ADAM12: variants seen among roughly 807,000 people sequenced by gnomAD.
ADAM12 encodes disintegrin and metalloproteinase domain-containing protein 12.
A neutral mutation model predicts 106.4 loss-of-function variants in ADAM12; 70 were observed. The ratio of observed to expected loss-of-function variants is 0.66; its 90% CI spans 0.54 to 0.80. ADAM12 has a LOEUF of 0.80. Among genes scored for constraint, ADAM12 ranks in the 30% least tolerant of loss-of-function variants. The probability of loss-of-function intolerance (pLI) is 0.00; values close to 1 mark genes in which losing one functional copy is unlikely to be tolerated. For synonymous variants in ADAM12, 420 were observed against 433.5 expected (o/e 0.97, Z 0.39); for missense variants, 1,010 against 1,171.9 (o/e 0.86, Z 2.02).
chr10:126,241,670 T>C (rs1958526990), intron 3 of ADAM12, among the ~76,000 whole-genome samples: 1 of 152,234 alleles, frequency 6.6e-6, no homozygotes, highest in South Asian at 2.1e-4. Flanking sequence ...AATAGCTTTG[T>C]GGCCTGCAGC....
intron 6 of ADAM12, among the ~76,000 whole-genome samples, chr10:126,114,179 C>T (rs1365953196): frequency 1.3e-5 from 2 of 152,118 alleles, no homozygotes; most frequent in African/African-American, 2.4e-5. Flanking sequence ...CAGGATACAG[C>T]CTCTGACACC....
chr10:126,051,676 G>T (rs3824636), intron 14 of ADAM12, among the ~76,000 whole-genome samples: 40,102 of 150,346 alleles, frequency 0.27, 5,757 homozygotes, highest in Middle Eastern at 0.41. Flanking sequence ...CATCCAGCCA[G>T]CCAGCCAGCC....
rs569836676 is a variant in ADAM12 at position 126,181,939 on chromosome 10, A to C, written c.261-26634T>G. Among the ~76,000 whole-genome samples the C allele has an allele frequency of 7.2e-5, 11 of 152,318 alleles. No homozygotes were observed. The South Asian group carries it at 2.3e-3, about 32-fold the overall frequency. ...TCTTTAATTGCATGGCCCGGTCAGC[A>C]TCCATTAGTCTGCTGCCTACACAAT... On this transcript the variant is annotated intron_variant, in intron 3 of 22. Coordinates refer to ENST00000448723, the MANE Select transcript of ADAM12 (RefSeq NM_001288973.2).
chr10:126,100,903 T>A (rs149382407), intron 9 of ADAM12, among the ~76,000 whole-genome samples, 169 bp downstream of exon 9: 171 of 152,300 alleles, frequency 1.1e-3, no homozygotes, highest in African/African-American at 3.9e-3. Context: ...AGACCTTCAG[T>A]TCCAGGTGAG....
chr10:126,193,121 C>A lies in ADAM12; in HGVS notation c.261-37816G>T, dbSNP rs775561453. On this transcript the variant is annotated intron_variant, in intron 3 of 22. Coordinates refer to ENST00000448723, the MANE Select transcript of ADAM12 (RefSeq NM_001288973.2). ...TCTACTAGAAATATAAAAAATTAGC[C>A]GGGTGTGATGGCCTGTGCCTGTGGT... 1.3e-5 allele frequency among the ~76,000 whole-genome samples: 2 copies of A among 151,836 alleles called. 1 individual carries two copies. The highest frequency in any genetic ancestry group is 2.9e-5 in the Non-Finnish European group (2 of 67,958).
intron 1 of ADAM12, among the ~76,000 whole-genome samples, chr10:126,351,999 C>G (rs1191501224): frequency 6.6e-6 from 1 of 152,166 alleles, no homozygotes; most frequent in Non-Finnish European, 1.5e-5. Context: ...CACTGAAGAC[C>G]TCCGGCCTCA....
rs544806139 is a variant in ADAM12, at chr10:126,244,697, C to T, written c.260+34218G>A. ...TGTCATATCTCAGGGAGCTCATGCA[C>T]CATTAGTATAAGCAGACCTATTAAT... On this transcript the variant is annotated intron_variant, in intron 3 of 22. Coordinates refer to ENST00000448723, the MANE Select transcript of ADAM12 (RefSeq NM_001288973.2). 2.0e-5 allele frequency among the ~76,000 whole-genome samples: 3 copies of T among 152,160 alleles called. No homozygotes were observed. In the South Asian group the frequency reaches 6.2e-4, roughly 32 times the overall value.
At chr10:126,086,343 A>C (rs1356774047) in intron 11 of ADAM12, among the ~76,000 whole-genome samples, 1 of 151,898 alleles carries the variant, frequency 6.6e-6, no homozygotes, top group Non-Finnish European at 1.5e-5. Flanking sequence ...GGTCTGGAAA[A>C]ATGCAAGCAG....
intron 1 of ADAM12, among the ~76,000 whole-genome samples, chr10:126,363,135 T>C (rs1162641807): frequency 6.6e-6 from 1 of 152,178 alleles, no homozygotes; most frequent in East Asian, 1.9e-4. Flanking sequence ...TGTAATCAAG[T>C]ATTACATGTT....
chr10:126,287,518 T>C (rs1279573139), intron 2 of ADAM12, among the ~76,000 whole-genome samples: 1 of 152,154 alleles, frequency 6.6e-6, no homozygotes, highest in Non-Finnish European at 1.5e-5. Flanking sequence ...AGTGATGCCC[T>C]TTCTTAAGAC....
chr10:126,164,167 A>T (rs1032539043), intron 3 of ADAM12, among the ~76,000 whole-genome samples: 3 of 152,224 alleles, frequency 2.0e-5, no homozygotes, highest in Non-Finnish European at 2.9e-5. Context: ...AAACTCATTG[A>T]TGACATGTCA....
At chr10:126,377,283 T>C (rs1414923279) in intron 1 of ADAM12, among the ~76,000 whole-genome samples, 1 of 152,100 alleles carries the variant, frequency 6.6e-6, no homozygotes, top group East Asian at 1.9e-4. Flanking sequence ...GGGAGTTTAT[T>C]AAGGAGTATT....
At chr10:126,361,630 C>T (rs374225770) in intron 1 of ADAM12, among the ~76,000 whole-genome samples, 1 of 151,986 alleles carries the variant, frequency 6.6e-6, no homozygotes, top group Admixed American at 6.6e-5. Flanking sequence ...AGAAATGAAC[C>T]CAAACATATA....
At chr10:126,168,698 A>T (rs1032040724) in intron 3 of ADAM12, among the ~76,000 whole-genome samples, 10 of 152,202 alleles carry the variant, frequency 6.6e-5, no homozygotes, top group Admixed American at 1.3e-4. Flanking sequence ...AAAACGGATC[A>T]TGTCACTTCT....
intron 3 of ADAM12, among the ~76,000 whole-genome samples, chr10:126,215,383 G>A (rs1957969651): frequency 6.6e-6 from 1 of 152,124 alleles, no homozygotes; most frequent in African/African-American, 2.4e-5. Flanking sequence ...ATAACTCAGG[G>A]TTTCAATCCA....
intron 4 of ADAM12, among the ~76,000 whole-genome samples, chr10:126,141,762 A>G (rs1004452308): frequency 2.9e-5 from 3 of 104,572 alleles, no homozygotes; most frequent in African/African-American, 5.9e-5. Flanking sequence ...TTAGAAAGGA[A>G]TGCTACCAAA....
At chr10:126,355,950 C>T (rs1855522746) in intron 1 of ADAM12, among the ~76,000 whole-genome samples, 1 of 152,198 alleles carries the variant, frequency 6.6e-6, no homozygotes, top group South Asian at 2.1e-4. Context: ...CAGCCATCTT[C>T]CAGGCCCAGC....
At position 126,176,912 on chromosome 10, in the gene ADAM12, T is replaced by C. The variant is rs769616543; in HGVS notation, c.261-21607A>G. On this transcript the variant is annotated intron_variant, in intron 3 of 22. Coordinates refer to ENST00000448723, the MANE Select transcript of ADAM12 (RefSeq NM_001288973.2). ...GAGAGAAATTGGCAACTGGGACTCCTGAACTTTCAGAAAAGGGCTCCCTTC... is the reference window on the plus strand; with the variant it reads ...GAGAGAAATTGGCAACTGGGACTCCCGAACTTTCAGAAAAGGGCTCCCTTC... Among the ~76,000 whole-genome samples the C allele has an allele frequency of 3.9e-5, 6 of 152,148 alleles. 1 individual carries two copies. The highest frequency in any genetic ancestry group is 8.8e-5 in the Non-Finnish European group (6 of 68,024).
chr10:126,149,123 C>T (rs1367164454), intron 4 of ADAM12, among the ~76,000 whole-genome samples: 1 of 152,184 alleles, frequency 6.6e-6, no homozygotes, highest in Non-Finnish European at 1.5e-5. Flanking sequence ...CAGACATTCA[C>T]CCTTTCACAC....
Sources: gnomAD v4.1 joint callset for allele counts (sites outside exome capture counted in the v4.1 genomes callset) on GRCh38, gnomAD v4.1.1 for gene constraint, MANE v1.5 for transcripts, NCBI Gene and HGNC (gene_info 2026-07-23, HGNC 2026-07-21) for gene names.